The following PRAM1 variants were observed in gnomAD, a reference collection of about 807,000 sequenced individuals.
PRAM1 encodes the protein PML-RARA-regulated adapter molecule 1.
Under a neutral mutation model 55.3 loss-of-function variants are expected in PRAM1, and 41 were observed. That is an observed-to-expected ratio of 0.74 (90% CI 0.58 to 0.96). The LOEUF is 0.96. PRAM1 is among the 40% of genes least tolerant of loss of function. PRAM1 has a pLI of 0.00. For missense variants in PRAM1, 898 were observed against 892.7 expected (o/e 1.01, Z -0.08); for synonymous variants, 401 against 387.1 (o/e 1.04, Z -0.42).
At chr19:8,495,385 C>T (rs1971684716) in intron 4 of PRAM1, among the ~76,000 whole-genome samples, 1 of 152,180 alleles carries the variant, frequency 6.6e-6, no homozygotes, top group Non-Finnish European at 1.5e-5. Flanking sequence ...CAGGCGTGAG[C>T]CACCACGCCC....
At chr19:8,500,247 A>G (rs60318332) in intron 1 of PRAM1, among the ~76,000 whole-genome samples, 17,737 of 146,854 alleles carry the variant, frequency 0.12, 1,119 homozygotes, top group East Asian at 0.19. Context: ...AGCTGGGATT[A>G]CAGGCTTGAG....
In PRAM1 at chr19:8,499,318, C is replaced by A; in HGVS notation, c.490G>T (p.Ala164Ser). The A allele has an allele frequency of 1.2e-6, 2 of 1,609,922 alleles. No individual in the cohort carries two copies. Among genetic ancestry groups the A allele is most frequent in the Non-Finnish European group, 1.7e-6 (2 of 1,178,426 alleles). ...TCGTCGGGCTGCAGGGGTTTCCGGG[C>A]CGGCGCACCAGGCTCCGGCAGCGAG... is the stretch of plus-strand genomic sequence containing the variant. Reference protein sequence around the residue: ...KASLPEPGAPARKPLQPDELS... With the variant: ...KASLPEPGAPSRKPLQPDELS... Residue 164 changes from alanine to serine, a missense_variant, in exon 2 of 10, where the codon GCC (alanine) becomes TCC (serine). Transcript: ENST00000423345.
At position 8,494,200 on chromosome 19, in the gene PRAM1, A is replaced by G. The variant is rs148185487; in HGVS notation, c.1577-3043T>C. On this transcript the variant is annotated intron_variant, in intron 4 of 9. Coordinates refer to ENST00000423345, the MANE Select transcript of PRAM1 (RefSeq NM_032152.5). ...TGGGCCAAGGGTGGGGACTGTATGAAGTTTGAGGAGAGGCAGATGCTCCTA... is the reference window on the plus strand; with the variant it reads ...TGGGCCAAGGGTGGGGACTGTATGAGGTTTGAGGAGAGGCAGATGCTCCTA... 1.7e-4 allele frequency among the ~76,000 whole-genome samples: 26 copies of G among 152,272 alleles called. 1 individual carries two copies. In the East Asian group the frequency reaches 5.0e-3, roughly 29 times the overall value.
intron 4 of PRAM1, among the ~76,000 whole-genome samples, chr19:8,492,637 A>G (rs769975123): frequency 1.8e-4 from 28 of 152,190 alleles, no homozygotes; most frequent in Non-Finnish European, 4.4e-5. Context: ...GCCCATGGGT[A>G]CAAAGTTACA....
Position 8,490,253 on chromosome 19 carries a change from AC to A in PRAM1, c.1976-28del. On this transcript the variant is annotated intron_variant, in intron 9 of 9. Transcript: ENST00000423345. The surrounding 1 kb of genome is among the most constrained non-coding windows in gnomAD (Gnocchi z 7.3). ...TGCCGAGGAAGCGTGACTTCCATGG[AC>A]CCCTCTCCCCAGAAGCCCAATAGTG... 6.2e-7 allele frequency: 1 copy of A among 1,610,010 alleles called. No individual in the cohort carries two copies. Among genetic ancestry groups the A allele is most frequent in the Non-Finnish European group, 8.5e-7 (1 of 1,177,620 alleles).
At chr19:8,501,702 G>A (rs147553612) in intron 1 of PRAM1, among the ~76,000 whole-genome samples, 2 of 152,120 alleles carry the variant, frequency 1.3e-5, no homozygotes, top group Admixed American at 6.6e-5. Context: ...CTGACCATCA[G>A]GAAAACACAG....
rs983395554 is a variant in PRAM1, at chr19:8,493,317, G to A, written c.1577-2160C>T. 6.6e-6 allele frequency among the ~76,000 whole-genome samples: 1 copy of A among 152,170 alleles called. No homozygotes were observed. Among genetic ancestry groups the A allele is most frequent in the Non-Finnish European group, 1.5e-5 (1 of 68,032 alleles). Reference sequence around the variant, plus strand: ...CAGCCCAAGGAGCAGCACCTGAATCGTGCCCGCCAGATACCAGGCATGGCC... The same window carrying A: ...CAGCCCAAGGAGCAGCACCTGAATCATGCCCGCCAGATACCAGGCATGGCC... On this transcript the variant is annotated intron_variant, in intron 4 of 9. Transcript: ENST00000423345. This position sits in a 1 kb window ranked among gnomAD's most constrained non-coding sequence, Gnocchi z 4.1.
intron 1 of PRAM1, among the ~76,000 whole-genome samples, chr19:8,501,507 A>ATTTTTTT (rs773534887): frequency 2.2e-4 from 23 of 102,842 alleles, no homozygotes; most frequent in Non-Finnish European, 3.4e-4. Context: ...ATGTGTCTTG[A>ATTTTTTT]TTTTTTTTTT....
In PRAM1 at chr19:8,490,464, G is replaced by A; in HGVS notation, c.1940+12C>T. Reference sequence around the variant, plus strand: ...CCCGCACTCCCCCACCACGGTCAGGGCTGGCACTCACAGGGGCAGGAGCGC... The same window carrying A: ...CCCGCACTCCCCCACCACGGTCAGGACTGGCACTCACAGGGGCAGGAGCGC... On this transcript the variant is annotated intron_variant, in intron 8 of 9. Transcript: ENST00000423345. This position sits in a 1 kb window ranked among gnomAD's most constrained non-coding sequence, Gnocchi z 7.3. The A allele has an allele frequency of 6.2e-7, 1 of 1,613,018 alleles. No individual in the cohort carries two copies. The highest frequency in any genetic ancestry group is 8.5e-7 in the Non-Finnish European group (1 of 1,179,568).
chr19:8,499,192 G>T lies in PRAM1; in HGVS notation c.616C>A (p.Gln206Lys), dbSNP rs377605050. 1 of 1,613,792 alleles carries T rather than the reference G, an allele frequency of 6.2e-7. No homozygotes were observed. Among genetic ancestry groups the T allele is most frequent in the African/African-American group, 1.3e-5 (1 of 74,918 alleles). Residue 206 changes from glutamine to lysine, a missense_variant, in exon 2 of 10, where the codon CAG becomes AAG. Gln to Lys is a moderately conservative substitution (Grantham distance 53). Coordinates refer to ENST00000423345, the MANE Select transcript of PRAM1 (RefSeq NM_032152.5). The part of the protein sequence containing the change: ...EAGEATPRSP[Q>K]PELSTFPKKP... Reference sequence around the variant, plus strand: ...TTGGGAAAGGTACTCAACTCAGGCTGCGGGGACCTCGGGGTAGCCTCACCG... The same window carrying T: ...TTGGGAAAGGTACTCAACTCAGGCTTCGGGGACCTCGGGGTAGCCTCACCG...
At position 8,499,641 on chromosome 19, in the gene PRAM1, G is replaced by A. The variant is rs759603012; in HGVS notation, c.167C>T (p.Pro56Leu). The change falls in exon 2 of 10, where the codon CCC becomes CTC. Residue 56 changes from proline to leucine, a missense_variant. By Grantham distance (98) the Pro-to-Leu change is moderately conservative. Coordinates refer to ENST00000423345, the MANE Select transcript of PRAM1 (RefSeq NM_032152.5). Reference sequence around the variant, plus strand: ...AAACTCAGGCAGCGGGGCCTTCTTGGGGTGCTCGCTTAGCTCAGGCTGGGA... The same window carrying A: ...AAACTCAGGCAGCGGGGCCTTCTTGAGGTGCTCGCTTAGCTCAGGCTGGGA... ...KFSQPELSEHPKKAPLPEFGA... is the reference protein window; with the variant it reads ...KFSQPELSEHLKKAPLPEFGA... The A allele has an allele frequency of 6.2e-7, 1 of 1,613,690 alleles. No homozygotes were observed. Among genetic ancestry groups the A allele is most frequent in the East Asian group, 2.2e-5 (1 of 44,860 alleles).
chr19:8,502,548 C>T lies in PRAM1; in HGVS notation c.27+17G>A. On this transcript the variant is annotated intron_variant, in intron 1 of 9. Coordinates refer to ENST00000423345, the MANE Select transcript of PRAM1 (RefSeq NM_032152.5). The stretch of plus-strand genomic sequence containing the variant: ...TGCTTCCCAGCCAGTGAGGCACAGG[C>T]CTCTTCCAGCACTCACCATGGCTGC... 2 of 1,545,572 alleles carry T rather than the reference C, an allele frequency of 1.3e-6. No individual in the cohort carries two copies. The highest frequency in any genetic ancestry group is 1.4e-5 in the African/African-American group (1 of 71,976).
chr19:8,490,406 C>T lies in PRAM1; in HGVS notation c.1941-34G>A, dbSNP rs779868887. On this transcript the variant is annotated intron_variant, in intron 8 of 9. Coordinates refer to ENST00000423345, the MANE Select transcript of PRAM1 (RefSeq NM_032152.5). This position sits in a 1 kb window ranked among gnomAD's most constrained non-coding sequence, Gnocchi z 7.3. ...GCACAGTTGGGTCAGCAAGGGGCAC[C>T]GTGGCCCATTCCCCCCACCCTGCAC... 19 of 1,613,706 alleles carry T rather than the reference C, an allele frequency of 1.2e-5. No individual in the cohort carries two copies. The highest frequency in any genetic ancestry group is 2.2e-5 in the East Asian group (1 of 44,878).
chr19:8,499,084 G>C lies in PRAM1; in HGVS notation c.724C>G (p.Pro242Ala). ...GCGGCCTCGCTGAACTCAGGCTGCG[G>C]CACGGACTTCTTAGGGAGGCCACCG... ...QVGGLPKKSV[P>A]QPEFSEAAQT... is the part of the protein sequence containing the mutation. The change falls in exon 2 of 10, where the codon CCG (proline) becomes GCG (alanine). Residue 242 changes from proline (P) to alanine (A), a missense_variant. Pro to Ala is a conservative substitution (Grantham distance 27, BLOSUM62 -1). Around this residue, in one of 4 missense-constraint regions of PRAM1, gnomAD observed 787 missense variants for 735.4 expected, o/e 1.07. Coordinates refer to ENST00000423345, the MANE Select transcript of PRAM1 (RefSeq NM_032152.5). 6.2e-7 allele frequency: 1 copy of C among 1,613,654 alleles called. No homozygotes were observed. The highest frequency in any genetic ancestry group is 8.5e-7 in the Non-Finnish European group (1 of 1,179,788).
intron 4 of PRAM1, chr19:8,491,493 A>T: frequency 2.4e-6 from 1 of 414,404 alleles, no homozygotes. Context: ...TCGGCCTCCT[A>T]AAGTGCTGGG....
rs531817922 is a variant in PRAM1 at position 8,498,898 on chromosome 19, C to T, written c.910G>A (p.Val304Met). ...GCCGGCCGCGGCCTCTTGGGAAGCA[C>T]GCTGACTTCGGGCTCTGAGGAGGTC... ...TRTSSEPEVS[V>M]LPKRPRPAEF... Residue 304 changes from valine (V) to methionine (M), a missense_variant, in exon 2 of 10, where the codon GTG becomes ATG. Val to Met is a conservative substitution (Grantham distance 21, BLOSUM62 1). This residue lies in a region of PRAM1 where 787 missense variants were observed against 735.4 expected (regional missense o/e 1.07). Transcript: ENST00000423345. 4 of 1,613,332 alleles carry T rather than the reference C, an allele frequency of 2.5e-6. No homozygotes were observed. The highest frequency in any genetic ancestry group is 1.1e-5 in the South Asian group (1 of 91,046).
chr19:8,500,310 G>C (rs1361731938), intron 1 of PRAM1, among the ~76,000 whole-genome samples: 3 of 151,596 alleles, frequency 2.0e-5, no homozygotes, highest in Non-Finnish European at 2.9e-5. Context: ...AACACATCCG[G>C]AATCCAACCA....
At position 8,491,147 on chromosome 19, in the gene PRAM1, G is replaced by T; in HGVS notation, c.1587C>A (p.Pro529=). The change falls in exon 5 of 10, where the codon CCC becomes CCA. Residue 529 remains proline, a synonymous_variant. Coordinates refer to ENST00000423345, the MANE Select transcript of PRAM1 (RefSeq NM_032152.5). The part of the protein sequence containing the change: ...SPSPKGRDEA[P]SVQQAARRPP... The stretch of plus-strand genomic sequence containing the variant: ...GCCTCCTGGCGGCTTGCTGAACTGA[G>T]GGCGCTTCATCTGGGGACAGTCAGG... 1 of 1,611,036 alleles carries T rather than the reference G, an allele frequency of 6.2e-7. No individual in the cohort carries two copies.
At chr19:8,502,464 G>GGCC in intron 1 of PRAM1, 101 bp downstream of exon 1, 10 of 216,446 alleles carry the variant, frequency 4.6e-5, no homozygotes, top group East Asian at 1.5e-4. Flanking sequence ...GCCACCCCCC[G>GGCC]CCCCCCCGCC....
Sources: gnomAD v4.1 joint callset for allele counts (sites outside exome capture counted in the v4.1 genomes callset) on GRCh38, gnomAD v4.1.1 for gene constraint, gnomAD v4.1.1 regional missense constraint, Gnocchi (gnomAD v3.1) non-coding constraint, MANE v1.5 for transcripts, NCBI Gene and HGNC (gene_info 2026-07-23, HGNC 2026-07-21) for gene names.